UNC13B: variants seen among roughly 807,000 people sequenced by gnomAD.
UNC13B encodes unc-13 homolog B, also known as protein unc-13 homolog B.
UNC13B carries 144 observed loss-of-function variants against 211.0 expected under a neutral mutation model. That is an observed-to-expected ratio of 0.68 (90% CI 0.60 to 0.78). The LOEUF (loss-of-function observed/expected upper bound fraction) is 0.78. Ranked by LOEUF, UNC13B falls within the 30% of genes least tolerant of loss-of-function variation. The probability of loss-of-function intolerance (pLI) is 0.00; values close to 1 mark genes in which losing one functional copy is unlikely to be tolerated. For synonymous variants in UNC13B, 709 were observed against 725.8 expected, an observed-to-expected ratio of 0.98 and a Z score of 0.37; for missense variants, 1,777 against 2,002.0, an observed-to-expected ratio of 0.89 and a Z score of 2.14.
At chr9:35,330,474 C>T (rs1831306568) in intron 11 of UNC13B, among the ~76,000 whole-genome samples, 2 of 152,298 alleles carry the variant, frequency 1.3e-5, no homozygotes, top group South Asian at 2.1e-4. Context: ...ACCAGGTCTC[C>T]CCTGTGGTAA....
In UNC13B at chr9:35,162,159, G is replaced by C. The variant is rs1820810417; in HGVS notation, c.-125G>C. 12 of 1,425,080 alleles carry C rather than the reference G, an allele frequency of 8.4e-6. 1 individual carries two copies. The South Asian group carries it at 1.5e-4, about 18-fold the overall frequency. 88.3% of individuals were successfully genotyped at this position (1,425,080 alleles called of 1,614,324 possible). On this transcript the variant is annotated 5_prime_UTR_variant, in exon 1 of 40. Transcript: ENST00000635942. ...CAGCGGCGGGACGCTACCTGCGACCGGGACCATGAGGAGCTGCCAGACCCG... is the reference window on the plus strand; with the variant it reads ...CAGCGGCGGGACGCTACCTGCGACCCGGACCATGAGGAGCTGCCAGACCCG...
chr9:35,305,794 A>C lies in UNC13B; in HGVS notation c.6390A>C (p.Ser2130=). The change falls in exon 9 of 40, where the codon TCA becomes TCC. Residue 2130 remains serine (S), a synonymous_variant. Coordinates refer to ENST00000635942, the MANE Select transcript of UNC13B (RefSeq NM_001371189.2). ...TTGATACCCTGAGCAAGAGAAATTC[A>C]AATGAACAAGATCATTTTTCTGACA... ...ISFDTLSKRN[S]NEQDHFSDKD... The C allele has an allele frequency of 2.5e-6, 1 of 399,050 alleles. No homozygotes were observed. The allele number at this position is 399,050 out of a possible 1,614,324, so 24.7% of individuals were successfully genotyped here.
In UNC13B at chr9:35,318,152, A is replaced by T. The variant is rs369267498; in HGVS notation, c.9414+4163A>T. On this transcript the variant is annotated intron_variant, in intron 11 of 39. Transcript: ENST00000635942. ...ATGGTTTACCTAAGAGTAACTAAGA[A>T]CTTAATTGAATAAGAGAACAATAGT... Among the ~76,000 whole-genome samples, 111 of 152,314 alleles carry T rather than the reference A, an allele frequency of 7.3e-4. 1 individual carries two copies. The South Asian group carries it at 0.018, about 25-fold the overall frequency.
chr9:35,369,486 G>T (rs572998879), intron 12 of UNC13B, among the ~76,000 whole-genome samples: 2 of 152,104 alleles, frequency 1.3e-5, no homozygotes, highest in Non-Finnish European at 2.9e-5. Flanking sequence ...GTTTCTTTTG[G>T]GTACATTTTC....
intron 10 of UNC13B, among the ~76,000 whole-genome samples, chr9:35,312,557 T>C (rs943566457): frequency 2.0e-5 from 3 of 152,230 alleles, no homozygotes; most frequent in Admixed American, 6.5e-5. Flanking sequence ...CTACTGGTTG[T>C]GTCCTCTCAG....
intron 11 of UNC13B, among the ~76,000 whole-genome samples, chr9:35,356,654 T>C (rs1833041385): frequency 6.6e-6 from 1 of 152,174 alleles, no homozygotes; most frequent in Admixed American, 6.6e-5. Context: ...TTAAAAAGTA[T>C]TGAATCGAAT....
At chr9:35,174,875 C>T (rs532640430) in intron 1 of UNC13B, among the ~76,000 whole-genome samples, 15 of 149,380 alleles carry the variant, frequency 1.0e-4, no homozygotes, top group African/African-American at 2.2e-4. Flanking sequence ...CATGAGCCAC[C>T]GCGCCCGGCC....
intron 11 of UNC13B, among the ~76,000 whole-genome samples, chr9:35,331,514 TG>T (rs1831366842): frequency 6.6e-6 from 1 of 152,220 alleles, no homozygotes; most frequent in South Asian, 2.1e-4. Flanking sequence ...CCTAAAGTGC[TG>T]GTATTACAGG....
At chr9:35,368,971 G>A (rs7020051) in intron 12 of UNC13B, among the ~76,000 whole-genome samples, 25,208 of 152,020 alleles carry the variant, frequency 0.17, 3,172 homozygotes, top group African/African-American at 0.34. Flanking sequence ...GACTACTTCT[G>A]AATGTAGCTA....
Position 35,162,396 on chromosome 9 carries a change from A to T in UNC13B, c.22+91A>T, listed in dbSNP as rs370355973. 2,288 of 1,422,614 alleles carry T rather than the reference A, an allele frequency of 1.6e-3. 53 individuals are homozygous for T. In the South Asian group the frequency reaches 0.029, roughly 18 times the overall value. The allele number at this position is 1,422,614 out of a possible 1,614,324, so 88.1% of individuals were successfully genotyped here. A position where few individuals can be genotyped will look rare whatever the true frequency, so the allele number is the denominator to read the frequency against. On this transcript the variant is annotated intron_variant, in intron 1 of 39. Coordinates refer to ENST00000635942, the MANE Select transcript of UNC13B (RefSeq NM_001371189.2). ...GACGTCCGGTGACCGTCTCACCCAA[A>T]CTTTACATCCCGTCCGTGCTTTGGG...
chr9:35,210,587 G>T (rs1027648290), intron 1 of UNC13B, among the ~76,000 whole-genome samples: 1 of 151,514 alleles, frequency 6.6e-6, no homozygotes, highest in Admixed American at 6.6e-5. Context: ...GCAGTGGCAC[G>T]ATCTTAGCTC....
At chr9:35,297,090 CTT>C (rs201558543) in intron 8 of UNC13B, among the ~76,000 whole-genome samples, 9 of 128,136 alleles carry the variant, frequency 7.0e-5, no homozygotes, top group Admixed American at 8.1e-5. Context: ...TTTTAAGAAG[CTT>C]TTTTTTTTTT....
In UNC13B at chr9:35,398,501, G is replaced by A. The variant is rs1836041934; in HGVS notation, c.11833-53G>A. 4.5e-6 allele frequency: 7 copies of A among 1,562,414 alleles called. No homozygotes were observed. In the East Asian group the frequency reaches 1.6e-4, roughly 35 times the overall value. On this transcript the variant is annotated intron_variant, in intron 31 of 39. Coordinates refer to ENST00000635942, the MANE Select transcript of UNC13B (RefSeq NM_001371189.2). The stretch of plus-strand genomic sequence containing the variant: ...AAGGAAGTAGTAGGGGTGTGGCAGG[G>A]TAGAAGAGGGTAAGAAAAGCAGCCT...
At chr9:35,283,791 T>C (rs1255611127) in intron 7 of UNC13B, among the ~76,000 whole-genome samples, 1 of 152,130 alleles carries the variant, frequency 6.6e-6, no homozygotes, top group Non-Finnish European at 1.5e-5. Context: ...TCAATAGAGT[T>C]GAAATAGGTG....
intron 26 of UNC13B, among the ~76,000 whole-genome samples, 198 bp from the exon 27 acceptor site, chr9:35,396,278 G>A (rs1835867281): frequency 6.6e-6 from 1 of 152,220 alleles, no homozygotes; most frequent in Admixed American, 6.5e-5. Context: ...CTTTCTAGAG[G>A]AAGATTTGGG....
chr9:35,404,183 A>G lies in UNC13B; in HGVS notation c.*150A>G. 1 of 1,074,578 alleles carries G rather than the reference A, an allele frequency of 9.3e-7. No homozygotes were observed. The highest frequency in any genetic ancestry group is 1.3e-6 in the Non-Finnish European group (1 of 769,530). The allele number at this position is 1,074,578 out of a possible 1,614,324, so 66.6% of individuals were successfully genotyped here. A position where few individuals can be genotyped will look rare whatever the true frequency, so the allele number is the denominator to read the frequency against. On this transcript the variant is annotated 3_prime_UTR_variant, in exon 40 of 40. Transcript: ENST00000635942. ...TTAAGGAAAAATTTGGGGTGGTGAT[A>G]ATATGGCTTTTCACAGAAAGGGTCA... is the stretch of plus-strand genomic sequence containing the variant.
chr9:35,380,783 G>A, intron 18 of UNC13B, 144 bp downstream of exon 18: 1 of 1,109,530 alleles, frequency 9.0e-7, no homozygotes, highest in Non-Finnish European at 1.3e-6. Flanking sequence ...CTGACTGTGG[G>A]GAGGGATGGG....
intron 1 of UNC13B, among the ~76,000 whole-genome samples, chr9:35,210,525 A>AG (rs1823908147): frequency 2.0e-4 from 11 of 54,058 alleles, no homozygotes; most frequent in Middle Eastern, 0.012. Flanking sequence ...TGTTTAATAA[A>AG]CTTATTTTTT....
intron 1 of UNC13B, among the ~76,000 whole-genome samples, chr9:35,205,721 T>C (rs1197269380): frequency 6.6e-6 from 1 of 152,266 alleles, no homozygotes; most frequent in East Asian, 1.9e-4. Context: ...GTAGTGTGTA[T>C]CAGTACATTG....
Sources: gnomAD v4.1 joint callset for allele counts (sites outside exome capture counted in the v4.1 genomes callset) on GRCh38, gnomAD v4.1.1 for gene constraint, MANE v1.5 for transcripts, NCBI Gene and HGNC (gene_info 2026-07-23, HGNC 2026-07-21) for gene names.